TNNI3K: variants seen among roughly 807,000 people sequenced by gnomAD.
The protein encoded by TNNI3K is serine/threonine-protein kinase TNNI3K.
Under a neutral mutation model 114.5 loss-of-function variants are expected in TNNI3K, and 140 were observed. That is an observed-to-expected ratio of 1.22 (90% CI 1.07 to 1.41). The LOEUF is 1.41. TNNI3K is among the 40% of genes most tolerant of loss of function. TNNI3K has a pLI of 0.00. For synonymous variants in TNNI3K, 347 were observed against 347.5 expected (o/e 1.00, Z 0.02); for missense variants, 1,125 against 1,007.6 (o/e 1.12, Z -1.58).
At chr1:74,282,444 G>C (rs972510174) in intron 5 of TNNI3K, among the ~76,000 whole-genome samples, 1 of 151,898 alleles carries the variant, frequency 6.6e-6, no homozygotes, top group Non-Finnish European at 1.5e-5. Flanking sequence ...ATATCTCTGT[G>C]TGTGCACATG....
Position 74,313,734 on chromosome 1 carries a change from G to A in TNNI3K, c.445-17716G>A, listed in dbSNP as rs200256425. Reference sequence around the variant, plus strand: ...TCCTCTGCTGTCTCAGGGCCTGCCTGGTGAAAAGCTATTCTCTGTACTCTG... The same window carrying A: ...TCCTCTGCTGTCTCAGGGCCTGCCTAGTGAAAAGCTATTCTCTGTACTCTG... On this transcript the variant is annotated intron_variant, in intron 5 of 24. Coordinates refer to ENST00000326637, the MANE Select transcript of TNNI3K (RefSeq NM_015978.3). Among the ~76,000 whole-genome samples, 4 of 151,866 alleles carry A rather than the reference G, an allele frequency of 2.6e-5. No homozygotes were observed. In the East Asian group the frequency reaches 7.8e-4, roughly 29 times the overall value.
intron 5 of TNNI3K, among the ~76,000 whole-genome samples, chr1:74,314,779 A>G (rs1182670922): frequency 6.6e-6 from 1 of 152,202 alleles, no homozygotes; most frequent in Non-Finnish European, 1.5e-5. Context: ...TTTGATTACA[A>G]TTTGGGTAGA....
rs557994162 is a variant in TNNI3K, at chr1:74,530,839, G to C, written c.2352-9395G>C. Among the ~76,000 whole-genome samples the C allele has an allele frequency of 2.6e-5, 4 of 151,980 alleles. No individual in the cohort carries two copies. In the East Asian group the frequency reaches 7.7e-4, roughly 29 times the overall value. On this transcript the variant is annotated intron_variant, in intron 23 of 24. Transcript: ENST00000326637. ...AGGCATGCAAAGTCTGCCTCTTAATGGTTTGCTCAGCTGACTCATTTATAC... is the reference window on the plus strand; with the variant it reads ...AGGCATGCAAAGTCTGCCTCTTAATCGTTTGCTCAGCTGACTCATTTATAC...
intron 17 of TNNI3K, among the ~76,000 whole-genome samples, chr1:74,427,248 A>C (rs1665682556): frequency 6.6e-6 from 1 of 152,036 alleles, no homozygotes; most frequent in Non-Finnish European, 1.5e-5. Flanking sequence ...CTGAATATTC[A>C]GAAAGGTGGC....
chr1:74,431,765 A>G (rs931540115), intron 17 of TNNI3K, among the ~76,000 whole-genome samples: 8 of 152,248 alleles, frequency 5.3e-5, no homozygotes, highest in African/African-American at 1.7e-4. Context: ...TGACACTGCA[A>G]GGTTGGCTGG....
intron 20 of TNNI3K, among the ~76,000 whole-genome samples, chr1:74,445,105 A>T (rs530174930): frequency 1.3e-4 from 20 of 152,284 alleles, no homozygotes; most frequent in African/African-American, 4.8e-4. Flanking sequence ...AGGCAAGACC[A>T]TTCAGGACAT....
chr1:74,498,403 A>G (rs1669443817), intron 23 of TNNI3K, among the ~76,000 whole-genome samples: 3 of 152,184 alleles, frequency 2.0e-5, no homozygotes, highest in Admixed American at 2.0e-4. Flanking sequence ...GTTATAATTC[A>G]TGTTATTTTT....
chr1:74,540,423 A>G, intron 24 of TNNI3K, 110 bp downstream of exon 24: 1 of 992,906 alleles, frequency 1.0e-6, no homozygotes, highest in South Asian at 1.7e-5. Context: ...AAAATGACAG[A>G]TGCTTTAAAA....
At chr1:74,287,018 A>T (rs1570420343) in intron 5 of TNNI3K, among the ~76,000 whole-genome samples, 1 of 152,094 alleles carries the variant, frequency 6.6e-6, no homozygotes, top group East Asian at 1.9e-4. Context: ...AAAAGAAATC[A>T]ATCAGAAACT....
chr1:74,362,898 C>A (rs1014288555), intron 11 of TNNI3K, among the ~76,000 whole-genome samples: 5 of 152,044 alleles, frequency 3.3e-5, no homozygotes, highest in African/African-American at 1.2e-4. Context: ...GGAGAAGAAT[C>A]ACATTTGCCA....
At chr1:74,484,641 G>A (rs532296604) in intron 21 of TNNI3K, among the ~76,000 whole-genome samples, 1 of 152,262 alleles carries the variant, frequency 6.6e-6, no homozygotes, top group East Asian at 1.9e-4. Flanking sequence ...ATGGTGGAGA[G>A]GATCCAATGC....
intron 5 of TNNI3K, among the ~76,000 whole-genome samples, chr1:74,322,880 T>C (rs531641749): frequency 3.9e-5 from 6 of 152,326 alleles, no homozygotes; most frequent in African/African-American, 1.2e-4. Flanking sequence ...TGTTACTCAC[T>C]GATTACCTGT....
chr1:74,489,365 T>C, intron 22 of TNNI3K, 117 bp downstream of exon 22: 1 of 1,015,688 alleles, frequency 9.8e-7, no homozygotes, highest in Non-Finnish European at 1.4e-6. Context: ...CATAACTCCA[T>C]CCATATTTGC....
intron 9 of TNNI3K, among the ~76,000 whole-genome samples, chr1:74,346,892 C>T (rs2100455183): frequency 1.3e-5 from 2 of 151,890 alleles, no homozygotes; most frequent in South Asian, 4.2e-4. Context: ...TCAATGTCAC[C>T]TGTGTCTTAA....
chr1:74,332,108 A>G (rs576139942), intron 6 of TNNI3K, among the ~76,000 whole-genome samples: 1 of 152,186 alleles, frequency 6.6e-6, no homozygotes, highest in African/African-American at 2.4e-5. Flanking sequence ...ATTTTCTGTA[A>G]TAATATATAT....
chr1:74,355,331 C>T (rs868550957), intron 11 of TNNI3K, among the ~76,000 whole-genome samples: 10 of 152,202 alleles, frequency 6.6e-5, no homozygotes, highest in South Asian at 2.1e-4. Context: ...ATGGGCCAGG[C>T]GCGGTGGCTC....
chr1:74,406,932 G>A (rs898849493), intron 17 of TNNI3K, among the ~76,000 whole-genome samples: 3 of 152,118 alleles, frequency 2.0e-5, no homozygotes, highest in African/African-American at 2.4e-5. Flanking sequence ...TCTTTGCCTC[G>A]TTTCTTCCTT....
chr1:74,402,570 T>C (rs1557545405), intron 17 of TNNI3K, among the ~76,000 whole-genome samples: 1 of 152,256 alleles, frequency 6.6e-6, no homozygotes, highest in East Asian at 1.9e-4. Flanking sequence ...TTTAACTCTA[T>C]ATATGTAGAT....
At chr1:74,317,601 C>A (rs1659384332) in intron 5 of TNNI3K, among the ~76,000 whole-genome samples, 1 of 152,112 alleles carries the variant, frequency 6.6e-6, no homozygotes, top group African/African-American at 2.4e-5. Context: ...GAATGGAAGC[C>A]TAGAGAAAAT....
Sources: allele counts gnomAD v4.1 joint callset (sites outside exome capture counted in the v4.1 genomes callset), GRCh38; gene constraint gnomAD v4.1.1; transcripts MANE v1.5; gene names NCBI Gene and HGNC (gene_info 2026-07-23, HGNC 2026-07-21).